CAB39: variants seen among roughly 807,000 people sequenced by gnomAD.
The protein encoded by CAB39 is calcium-binding protein 39.
A neutral mutation model predicts 40.0 loss-of-function variants in CAB39; 8 were observed. That is an observed-to-expected ratio of 0.20 (90% CI 0.12 to 0.36). The LOEUF (loss-of-function observed/expected upper bound fraction) is 0.36. CAB39 is among the 10% of genes least tolerant of loss of function. CAB39 has a pLI of 1.00. For synonymous variants in CAB39, 156 were observed against 141.6 expected, an observed-to-expected ratio of 1.10 and a Z score of -0.72; for missense variants, 270 against 401.1, an observed-to-expected ratio of 0.67 and a Z score of 2.79.
chr2:230,806,671 C>T (rs1471991278), intron 5 of CAB39, among the ~76,000 whole-genome samples: 1 of 152,172 alleles, frequency 6.6e-6, no homozygotes, highest in African/African-American at 2.4e-5. Context: ...ATGGACAAAA[C>T]ATGGATCTGT....
chr2:230,728,368 T>C (rs1238499241), intron 1 of CAB39, among the ~76,000 whole-genome samples: 1 of 152,008 alleles, frequency 6.6e-6, no homozygotes, highest in African/African-American at 2.4e-5. Flanking sequence ...AATTTATCTT[T>C]TTTTTTTTTC....
In CAB39 at chr2:230,728,239, A is replaced by AAAATAAATAAAT. The variant is rs78505542; in HGVS notation, c.-44+15025_-44+15036dup. On this transcript the variant is annotated intron_variant, in intron 1 of 8. Transcript: ENST00000258418. ...GGCGATAGAGTGAGACTCCGTCTCA[A>AAAATAAATAAAT]AAATAAATAAATAAATAAATAAATA... Among the ~76,000 whole-genome samples, 336 of 151,922 alleles carry AAAATAAATAAAT rather than the reference A, an allele frequency of 2.2e-3. 2 individuals carry two copies. Among genetic ancestry groups the AAAATAAATAAAT allele is most frequent in the African/African-American group, 7.5e-3 (312 of 41,470 alleles).
At chr2:230,761,888 TTTGTTGTTG>T (rs55722046) in intron 2 of CAB39, among the ~76,000 whole-genome samples, 5,639 of 149,934 alleles carry the variant, frequency 0.038, 153 homozygotes, top group Non-Finnish European at 0.057. Context: ...TTGTTTTTTA[TTTGTTGTTG>T]TTGTTGTTGT....
At chr2:230,776,668 G>C (rs1559606779) in intron 2 of CAB39, among the ~76,000 whole-genome samples, 1 of 151,108 alleles carries the variant, frequency 6.6e-6, no homozygotes, top group Non-Finnish European at 1.5e-5. Context: ...ATGGTTCCAG[G>C]TGCTCTGTCT....
At chr2:230,779,939 A>G (rs1241942212) in intron 2 of CAB39, among the ~76,000 whole-genome samples, 1 of 152,136 alleles carries the variant, frequency 6.6e-6, no homozygotes, top group South Asian at 2.1e-4. Flanking sequence ...AGGGTGAGAG[A>G]AGGAATGTAG....
intron 2 of CAB39, among the ~76,000 whole-genome samples, chr2:230,774,813 C>T (rs1695557707): frequency 6.6e-6 from 1 of 151,776 alleles, no homozygotes; most frequent in Non-Finnish European, 1.5e-5. Flanking sequence ...ATAGACTTTC[C>T]TTAGTCCATG....
intron 2 of CAB39, among the ~76,000 whole-genome samples, chr2:230,789,454 G>A (rs1408302777): frequency 6.6e-6 from 1 of 152,118 alleles, no homozygotes; most frequent in Non-Finnish European, 1.5e-5. Flanking sequence ...AAGCTTTGTT[G>A]GGCAGGACCA....
chr2:230,740,672 G>A (rs139565309), intron 1 of CAB39, among the ~76,000 whole-genome samples: 181 of 152,156 alleles, frequency 1.2e-3, no homozygotes, highest in African/African-American at 4.0e-3. Flanking sequence ...TGCACAGTTC[G>A]CAATAGGGTT....
chr2:230,809,620 T>A (rs767425905), intron 5 of CAB39, among the ~76,000 whole-genome samples: 1 of 152,208 alleles, frequency 6.6e-6, no homozygotes, highest in Non-Finnish European at 1.5e-5. Flanking sequence ...GAATGAATGA[T>A]CCTTGGGAAA....
At chr2:230,723,951 AG>A (rs1266367832) in intron 1 of CAB39, among the ~76,000 whole-genome samples, 27 of 152,302 alleles carry the variant, frequency 1.8e-4, no homozygotes, top group African/African-American at 6.5e-4. Flanking sequence ...GTATGCAAAT[AG>A]CATAAAGAGG....
chr2:230,753,542 C>A (rs370153001), intron 1 of CAB39, among the ~76,000 whole-genome samples: 1 of 151,986 alleles, frequency 6.6e-6, no homozygotes. Flanking sequence ...ATCACGAGGT[C>A]AGGAGTTCAA....
Position 230,790,853 on chromosome 2 carries a change from C to T in CAB39, c.115-19C>T, listed in dbSNP as rs369578043. On this transcript the variant is annotated intron_variant, in intron 2 of 8. Transcript: ENST00000258418. ...GAATTGTTTTTTCTCCTCTTCCCAA[C>T]TCCTCTCTCTAAAATTAGGCTACAG... 1.9e-6 allele frequency: 3 copies of T among 1,584,984 alleles called. No homozygotes were observed. The highest frequency in any genetic ancestry group is 2.6e-6 in the Non-Finnish European group (3 of 1,169,568).
chr2:230,715,224 T>C (rs973045439), intron 1 of CAB39, among the ~76,000 whole-genome samples: 1 of 152,258 alleles, frequency 6.6e-6, no homozygotes, highest in African/African-American at 2.4e-5. Flanking sequence ...AAGCATGTTA[T>C]GTTTTCCTGA....
At chr2:230,799,164 G>T in intron 5 of CAB39, 1 of 374,806 alleles carries the variant, frequency 2.7e-6, no homozygotes, top group East Asian at 4.5e-5. Flanking sequence ...ATTAAGTATG[G>T]TATACTGTAC....
intron 7 of CAB39, among the ~76,000 whole-genome samples, chr2:230,816,767 A>C (rs1043544687): frequency 6.6e-6 from 1 of 152,200 alleles, no homozygotes; most frequent in Non-Finnish European, 1.5e-5. Flanking sequence ...CTCCTGAGAG[A>C]GAGGCACTGT....
chr2:230,792,673 A>G (rs1695911950), intron 3 of CAB39, among the ~76,000 whole-genome samples: 1 of 152,218 alleles, frequency 6.6e-6, no homozygotes, highest in East Asian at 1.9e-4. Flanking sequence ...ATTAATCTAT[A>G]TAAAGTCTTC....
intron 1 of CAB39, among the ~76,000 whole-genome samples, chr2:230,717,569 A>G (rs1444035500): frequency 1.3e-5 from 2 of 152,200 alleles, no homozygotes; most frequent in Non-Finnish European, 2.9e-5. Flanking sequence ...TGCCGTCACC[A>G]TTTGTAGAGT....
chr2:230,816,618 G>A (rs1696406387), intron 7 of CAB39, among the ~76,000 whole-genome samples: 1 of 152,214 alleles, frequency 6.6e-6, no homozygotes, highest in African/African-American at 2.4e-5. Context: ...ACCCAGAAAG[G>A]AAGCAACAAA....
chr2:230,801,442 T>C (rs1188260364), intron 5 of CAB39, among the ~76,000 whole-genome samples: 1 of 152,190 alleles, frequency 6.6e-6, no homozygotes, highest in Non-Finnish European at 1.5e-5. Context: ...AAAAGAAGAA[T>C]AGATCTATGG....
Sources: allele counts gnomAD v4.1 joint callset (sites outside exome capture counted in the v4.1 genomes callset), GRCh38; gene constraint gnomAD v4.1.1; transcripts MANE v1.5; gene names NCBI Gene and HGNC (gene_info 2026-07-23, HGNC 2026-07-21).